The following CCPG1 variants were observed in gnomAD, a reference collection of about 807,000 sequenced individuals.
CCPG1 encodes cell cycle progression 1, also known as cell cycle progression protein 1.
Under a neutral mutation model 81.3 loss-of-function variants are expected in CCPG1, and 46 were observed. That is an observed-to-expected ratio of 0.57 (90% confidence interval 0.45 to 0.72). The LOEUF is 0.72. CCPG1 is among the 30% of genes least tolerant of loss of function. The pLI is 0.00. For missense variants in CCPG1, 902 were observed against 937.6 expected, an observed-to-expected ratio of 0.96 and a Z score of 0.50; for synonymous variants, 330 against 305.2, an observed-to-expected ratio of 1.08 and a Z score of -0.85.
intron 1 of CCPG1, among the ~76,000 whole-genome samples, chr15:55,394,952 T>A (rs1418690944): frequency 6.6e-6 from 1 of 152,146 alleles, no homozygotes; most frequent in Non-Finnish European, 1.5e-5. Context: ...CATGGTTACA[T>A]TTCTTCTCTG....
At chr15:55,379,046 TAA>T (rs2056624075) in intron 3 of CCPG1, among the ~76,000 whole-genome samples, 1 of 151,564 alleles carries the variant, frequency 6.6e-6, no homozygotes, top group South Asian at 2.1e-4. Context: ...CCTGAATTCT[TAA>T]AAGTTTATTC....
intron 1 of CCPG1, among the ~76,000 whole-genome samples, chr15:55,401,985 TCTTC>T (rs2141348679): frequency 6.6e-6 from 1 of 152,276 alleles, no homozygotes; most frequent in African/African-American, 2.4e-5. Flanking sequence ...GAAATGCTTT[TCTTC>T]CTTCATTCTG....
intron 1 of CCPG1, among the ~76,000 whole-genome samples, chr15:55,393,221 G>A (rs529545016): frequency 3.0e-4 from 45 of 152,290 alleles, no homozygotes; most frequent in African/African-American, 9.6e-4. Context: ...GATCACTTGA[G>A]GCCAGGCGTT....
At chr15:55,378,595 A>T (rs1250767738) in intron 3 of CCPG1, among the ~76,000 whole-genome samples, 1 of 149,156 alleles carries the variant, frequency 6.7e-6, no homozygotes, top group Admixed American at 6.8e-5. Context: ...AAGAAAATGC[A>T]ATCATTTAAG....
intron 1 of CCPG1, among the ~76,000 whole-genome samples, chr15:55,394,324 A>G (rs1331659510): frequency 6.6e-6 from 1 of 152,144 alleles, no homozygotes; most frequent in East Asian, 1.9e-4. Flanking sequence ...AACCAACTAT[A>G]TAAGGGAGAA....
At chr15:55,364,958 C>T (rs554602943) in intron 7 of CCPG1, among the ~76,000 whole-genome samples, 4 of 152,296 alleles carry the variant, frequency 2.6e-5, no homozygotes, top group Admixed American at 6.5e-5. Context: ...AACCTCTTTT[C>T]CACCTATAAA....
At chr15:55,361,757 C>T (rs551794990) in intron 7 of CCPG1, among the ~76,000 whole-genome samples, 2 of 151,980 alleles carry the variant, frequency 1.3e-5, no homozygotes, top group African/African-American at 4.8e-5. Flanking sequence ...AGCTGACTTA[C>T]GGCTTCAAAA....
chr15:55,379,520 A>G (rs1363181231), intron 3 of CCPG1, among the ~76,000 whole-genome samples: 1 of 151,828 alleles, frequency 6.6e-6, no homozygotes, highest in African/African-American at 2.4e-5. Flanking sequence ...GAGTGTGACT[A>G]TGTCTCAAAA....
intron 3 of CCPG1, among the ~76,000 whole-genome samples, chr15:55,380,898 G>A (rs2141291246): frequency 6.6e-6 from 1 of 152,024 alleles, no homozygotes; most frequent in Admixed American, 6.5e-5. Flanking sequence ...AGCACTTTGG[G>A]AGGCCAAGGC....
Position 55,356,275 on chromosome 15 carries a change from T to A in CCPG1, c.2369A>T (p.Gln790Leu). 6.5e-7 allele frequency: 1 copy of A among 1,535,108 alleles called. No homozygotes were observed. The highest frequency in any genetic ancestry group is 8.7e-7 in the Non-Finnish European group (1 of 1,146,370). ...WHKYGRTNGR[Q>L]MANLEIELGQ... ...CAATTCTATTTCAAGATTTGCCATT[T>A]GTCTTCCATTAGTGCGACCATATTT... Residue 790 changes from glutamine to leucine, a missense_variant, in exon 9 of 9, where the codon CAA becomes CTA. Gln to Leu is a moderately radical substitution (Grantham distance 113). Coordinates refer to ENST00000442196, the MANE Select transcript of CCPG1 (RefSeq NM_001204450.2).
intron 1 of CCPG1, among the ~76,000 whole-genome samples, chr15:55,399,285 T>G (rs1014638738): frequency 5.3e-5 from 8 of 152,052 alleles, no homozygotes; most frequent in Non-Finnish European, 8.8e-5. Flanking sequence ...TGAACACAAC[T>G]GAGATTTAGT....
At chr15:55,357,020 C>T in intron 8 of CCPG1, 1 of 984,934 alleles carries the variant, frequency 1.0e-6, no homozygotes, top group Non-Finnish European at 1.2e-6. Context: ...GTACCACTCC[C>T]CACTCCTGTC....
intron 5 of CCPG1, among the ~76,000 whole-genome samples, chr15:55,375,776 C>A (rs2056552994): frequency 6.6e-6 from 1 of 151,552 alleles, no homozygotes; most frequent in Non-Finnish European, 1.5e-5. Flanking sequence ...CTCACTACAG[C>A]CTCAACCTCC....
chr15:55,360,928 A>T lies in CCPG1; in HGVS notation c.845T>A (p.Leu282His). 1 of 1,540,300 alleles carries T rather than the reference A, an allele frequency of 6.5e-7. No individual in the cohort carries two copies. Among genetic ancestry groups the T allele is most frequent in the Non-Finnish European group, 8.7e-7 (1 of 1,148,804 alleles). ...FIDYKSLKEN[L>H]ARCWTLTEAE... Reference sequence around the variant, plus strand: ...TTCAGTAAGTGTCCAACACCTTGCAAGATTTTCTTTCAATGACTACATTTT... The same window carrying T: ...TTCAGTAAGTGTCCAACACCTTGCATGATTTTCTTTCAATGACTACATTTT... Residue 282 changes from leucine to histidine, a missense_variant, in exon 8 of 9, where the codon CTT becomes CAT. Around this residue, in one of 3 missense-constraint regions of CCPG1, gnomAD observed 746 missense variants for 728.6 expected, o/e 1.02. Coordinates refer to ENST00000442196, the MANE Select transcript of CCPG1 (RefSeq NM_001204450.2).
intron 1 of CCPG1, among the ~76,000 whole-genome samples, chr15:55,401,540 G>T (rs1213470632): frequency 6.6e-6 from 1 of 152,088 alleles, no homozygotes; most frequent in African/African-American, 2.4e-5. Context: ...GGTGGCCCAT[G>T]CCTGTAATCC....
At chr15:55,358,830 T>A (rs1045654005) in intron 8 of CCPG1, 48 of 976,878 alleles carry the variant, frequency 4.9e-5, no homozygotes, top group Non-Finnish European at 2.6e-5. Context: ...GACACCAGAA[T>A]CAGTCTCATT....
At chr15:55,379,804 A>G (rs895536087) in intron 3 of CCPG1, among the ~76,000 whole-genome samples, 2 of 152,058 alleles carry the variant, frequency 1.3e-5, no homozygotes, top group African/African-American at 4.8e-5. Context: ...TTTTTAATGA[A>G]AAAGAGCATA....
intron 3 of CCPG1, among the ~76,000 whole-genome samples, chr15:55,379,897 G>A (rs1487308792): frequency 1.3e-5 from 2 of 151,964 alleles, no homozygotes; most frequent in Non-Finnish European, 2.9e-5. Flanking sequence ...TCAGGAGTTT[G>A]AGACCAGCCT....
At chr15:55,371,668 A>G (rs538842167) in intron 6 of CCPG1, 125 bp downstream of exon 6, 4 of 929,062 alleles carry the variant, frequency 4.3e-6, no homozygotes, top group Non-Finnish European at 4.8e-6. Context: ...AGGCTCAAAC[A>G]GGCTTCAAGT....
Sources: allele counts gnomAD v4.1 joint callset (sites outside exome capture counted in the v4.1 genomes callset), GRCh38; gene constraint gnomAD v4.1.1; regional missense constraint gnomAD v4.1.1; transcripts MANE v1.5; gene names NCBI Gene and HGNC (gene_info 2026-07-23, HGNC 2026-07-21).